Variants in TENM4 observed in about 807,000 individuals in gnomAD.
TENM4 encodes teneurin-4.
TENM4 carries 82 observed loss-of-function variants against 243.3 expected under a neutral mutation model. The observed-to-expected ratio is 0.34, with a 90% CI of 0.28 to 0.40. The LOEUF is 0.40. TENM4 is among the 10% of genes least tolerant of loss of function. The pLI is 1.00. For missense variants in TENM4, 3,138 were observed against 3,673.3 expected (o/e 0.85, Z 3.77); for synonymous variants, 1,412 against 1,456.3 (o/e 0.97, Z 0.69).
chr11:78,930,673 C>A (rs1856647836), intron 6 of TENM4, among the ~76,000 whole-genome samples: 1 of 152,228 alleles, frequency 6.6e-6, no homozygotes, highest in African/African-American at 2.4e-5. Context: ...TGGAAGTTTG[C>A]TGAATGTGAC....
At chr11:78,917,983 G>A (rs942110969) in intron 6 of TENM4, among the ~76,000 whole-genome samples, 2 of 152,184 alleles carry the variant, frequency 1.3e-5, no homozygotes. Flanking sequence ...CTCACCTAAT[G>A]TTAGCTATTG....
intron 9 of TENM4, among the ~76,000 whole-genome samples, chr11:78,864,941 C>A (rs11237641): frequency 1.3e-5 from 2 of 151,856 alleles, no homozygotes; most frequent in Non-Finnish European, 2.9e-5. Flanking sequence ...GTGCCTGACC[C>A]GCTAGGGGGG....
intron 1 of TENM4, among the ~76,000 whole-genome samples, chr11:79,345,694 G>T (rs1160052466): frequency 6.6e-6 from 1 of 152,180 alleles, no homozygotes; most frequent in Non-Finnish European, 1.5e-5. Context: ...TCTGTAAACA[G>T]ACAAAACTAT....
chr11:79,151,743 C>A (rs1335930921), intron 3 of TENM4, among the ~76,000 whole-genome samples: 3 of 152,106 alleles, frequency 2.0e-5, no homozygotes, highest in Admixed American at 2.0e-4. Context: ...TGAACCTAGA[C>A]ACTCCCCCTA....
intron 6 of TENM4, among the ~76,000 whole-genome samples, chr11:78,964,098 AGTGGT>A (rs545060487): frequency 2.2e-5 from 3 of 136,334 alleles, no homozygotes; most frequent in Non-Finnish European, 4.6e-5. Context: ...GCTGGAGTGC[AGTGGT>A]GTGATCTTGG....
chr11:79,354,254 A>C lies in TENM4; in HGVS notation c.-320-56711T>G, dbSNP rs984843576. ...AAGTTGACGTTGTTTCCAGGACAGGACACGGAGATCTTCGGGGAAGGCAGA... is the reference window on the plus strand; with the variant it reads ...AAGTTGACGTTGTTTCCAGGACAGGCCACGGAGATCTTCGGGGAAGGCAGA... On this transcript the variant is annotated intron_variant, in intron 1 of 33. Transcript: ENST00000278550. 2.6e-5 allele frequency among the ~76,000 whole-genome samples: 4 copies of C among 152,232 alleles called. No homozygotes were observed. In the South Asian group the frequency reaches 8.3e-4, roughly 32 times the overall value.
chr11:78,732,223 G>A (rs894333995), intron 21 of TENM4, 93 bp downstream of exon 21: 1 of 1,494,986 alleles, frequency 6.7e-7, no homozygotes, highest in Non-Finnish European at 8.9e-7. Context: ...GCCCTACAGA[G>A]GTGTTTTTTC....
intron 6 of TENM4, among the ~76,000 whole-genome samples, chr11:78,959,825 G>A (rs764603134): frequency 6.6e-6 from 1 of 152,124 alleles, no homozygotes. Flanking sequence ...CAAAGTGATT[G>A]CTCTTGTTCA....
At chr11:79,332,034 G>A (rs1857069627) in intron 1 of TENM4, among the ~76,000 whole-genome samples, 1 of 152,226 alleles carries the variant, frequency 6.6e-6, no homozygotes, top group Non-Finnish European at 1.5e-5. Flanking sequence ...AATAGATGCT[G>A]TTCACCGAGC....
intron 12 of TENM4, among the ~76,000 whole-genome samples, chr11:78,833,177 CA>C (rs1858021845): frequency 1.3e-5 from 2 of 152,180 alleles, no homozygotes; most frequent in African/African-American, 4.8e-5. Context: ...TTTAAGAAGC[CA>C]AAGAATACTA....
chr11:78,756,789 G>C lies in TENM4; in HGVS notation c.2756+16C>G. ...CCTCAGAGAGCCCTGGCTGGAGCTG[G>C]GGCCCTCGGACTCACCCTCCATCAA... On this transcript the variant is annotated intron_variant, in intron 19 of 33. Coordinates refer to ENST00000278550, the MANE Select transcript of TENM4 (RefSeq NM_001098816.3). The C allele has an allele frequency of 6.2e-7, 1 of 1,606,884 alleles. No homozygotes were observed. Among genetic ancestry groups the C allele is most frequent in the Non-Finnish European group, 8.5e-7 (1 of 1,176,454 alleles).
chr11:78,726,257 G>T, intron 22 of TENM4, 35 bp from the exon 23 acceptor site: 1 of 1,606,864 alleles, frequency 6.2e-7, no homozygotes, highest in South Asian at 1.1e-5. Context: ...ATGCATAAGT[G>T]AGCAAAGCCC....
chr11:78,701,604 A>G lies in TENM4; in HGVS notation c.5009T>C (p.Leu1670Ser). ...LKSVTTQGHE[L>S]AMMTYHGNSG... ...ATTGCCATGGTATGTCATCATGGCC[A>G]ACTCGTGTCCTTGTGTGGTCACACT... is the stretch of plus-strand genomic sequence containing the variant. Residue 1670 changes from leucine to serine, a missense_variant, in exon 28 of 34, where the codon TTG (leucine) becomes TCG (serine). Coordinates refer to ENST00000278550, the MANE Select transcript of TENM4 (RefSeq NM_001098816.3). 6.2e-7 allele frequency: 1 copy of G among 1,611,434 alleles called. No homozygotes were observed. Among genetic ancestry groups the G allele is most frequent in the Non-Finnish European group, 8.5e-7 (1 of 1,177,724 alleles).
intron 2 of TENM4, among the ~76,000 whole-genome samples, chr11:79,256,934 A>C (rs187782733): frequency 6.6e-6 from 1 of 152,332 alleles, no homozygotes; most frequent in East Asian, 1.9e-4. Flanking sequence ...GCAAGACATA[A>C]CAGATGGCTC....
chr11:79,286,072 A>T (rs570805802), intron 2 of TENM4, among the ~76,000 whole-genome samples: 134 of 152,352 alleles, frequency 8.8e-4, no homozygotes, highest in African/African-American at 2.8e-3. Context: ...CAGAAAACGT[A>T]TGCAAGAAAG....
Position 79,064,909 on chromosome 11 carries a change from A to G in TENM4, c.322T>C (p.Ser108Pro). The change falls in exon 6 of 34, where the codon TCC becomes CCC. Residue 108 changes from serine (S) to proline (P), a missense_variant. Physicochemically the swap from Ser to Pro is moderately conservative, Grantham distance 74. Around this residue, in one of 2 missense-constraint regions of TENM4, gnomAD observed 671 missense variants for 614.1 expected, o/e 1.09. Coordinates refer to ENST00000278550, the MANE Select transcript of TENM4 (RefSeq NM_001098816.3). ...TDIGLPHCGY[S>P]MGAGSDADME... is the part of the protein sequence containing the mutation. Reference sequence around the variant, plus strand: ...TCGGCATCAGAGCCAGCCCCCATGGAGTAGCCGCAGTGGGGGAGGCCAATG... The same window carrying G: ...TCGGCATCAGAGCCAGCCCCCATGGGGTAGCCGCAGTGGGGGAGGCCAATG... 6.5e-7 allele frequency: 1 copy of G among 1,544,906 alleles called. No homozygotes were observed. Among genetic ancestry groups the G allele is most frequent in the South Asian group, 1.2e-5 (1 of 83,674 alleles).
chr11:79,320,557 A>C lies in TENM4; in HGVS notation c.-320-23014T>G, dbSNP rs149825936. ...TGGATGTGGTAAACTAAGTCTCAGG[A>C]AAGTTGAGAAGCTTGTCCAATGTTA... On this transcript the variant is annotated intron_variant, in intron 1 of 33. Transcript: ENST00000278550. Among the ~76,000 whole-genome samples, 1,335 of 152,298 alleles carry C rather than the reference A, an allele frequency of 8.8e-3. 15 individuals carry two copies. The highest frequency in any genetic ancestry group is 0.013 in the Non-Finnish European group (869 of 68,030).
chr11:79,423,008 T>G (rs183167971), intron 1 of TENM4, among the ~76,000 whole-genome samples: 4 of 152,308 alleles, frequency 2.6e-5, no homozygotes, highest in East Asian at 3.9e-4. Flanking sequence ...GACCAACTGG[T>G]GAGCCTTCCA....
chr11:78,665,258 C>CA (rs1555057821), intron 32 of TENM4, among the ~76,000 whole-genome samples: 2 of 123,550 alleles, frequency 1.6e-5, no homozygotes, highest in Admixed American at 8.1e-5. Context: ...TTTTCTTTTT[C>CA]TTTTTTTTTC....
Sources: allele counts gnomAD v4.1 joint callset (sites outside exome capture counted in the v4.1 genomes callset), GRCh38; gene constraint gnomAD v4.1.1; regional missense constraint gnomAD v4.1.1; transcripts MANE v1.5; gene names NCBI Gene and HGNC (gene_info 2026-07-23, HGNC 2026-07-21).